KIAA1614: variants seen among roughly 807,000 people sequenced by gnomAD.
KIAA1614 encodes KIAA1614, also known as uncharacterized protein KIAA1614.
In KIAA1614, 76 loss-of-function variants were observed where a neutral mutation model predicts 88.7. The ratio of observed to expected loss-of-function variants is 0.86; its 90% CI spans 0.71 to 1.04. The LOEUF (loss-of-function observed/expected upper bound fraction) is 1.04, where lower values mean the gene tolerates loss of function less well. Ranked by LOEUF, KIAA1614 falls within the 50% of genes least tolerant of loss-of-function variation. The pLI, the probability that KIAA1614 is intolerant of heterozygous loss-of-function variation, is 0.00. For missense variants in KIAA1614, 1,553 were observed against 1,582.5 expected, an observed-to-expected ratio of 0.98 and a Z score of 0.32; for synonymous variants, 714 against 675.5, an observed-to-expected ratio of 1.06 and a Z score of -0.88.
intron 3 of KIAA1614, among the ~76,000 whole-genome samples, chr1:180,922,100 T>TG (rs1299344130): frequency 1.3e-5 from 2 of 152,194 alleles, no homozygotes; most frequent in Admixed American, 6.5e-5. Context: ...TCCTCGGCCG[T>TG]CTCCATAGAG....
At chr1:180,930,901 A>G (rs993912557) in intron 4 of KIAA1614, among the ~76,000 whole-genome samples, 5 of 152,246 alleles carry the variant, frequency 3.3e-5, no homozygotes, top group African/African-American at 9.6e-5. Flanking sequence ...CTGAGTTAAC[A>G]TGGCAATGGC....
intron 4 of KIAA1614, among the ~76,000 whole-genome samples, chr1:180,934,269 AAG>A (rs759986207): frequency 1.0e-4 from 11 of 107,490 alleles, no homozygotes; most frequent in African/African-American, 3.5e-4. Context: ...AAAAAAAAAA[AAG>A]AAAAGAAAAG....
chr1:180,925,700 G>A lies in KIAA1614; in HGVS notation c.1062-2730G>A, dbSNP rs371202353. Among the ~76,000 whole-genome samples, 493 of 152,354 alleles carry A rather than the reference G, an allele frequency of 3.2e-3. 2 individuals are homozygous for A. The highest frequency in any genetic ancestry group is 0.011 in the African/African-American group (454 of 41,588). On this transcript the variant is annotated intron_variant, in intron 3 of 8. Transcript: ENST00000367588. ...AGACGGGAGTGCCCAGAGCAGGAGG[G>A]GACCACACGCTGCCCTTTGTCCTTG...
chr1:180,943,256 A>C (rs1654510127), intron 7 of KIAA1614, among the ~76,000 whole-genome samples: 1 of 152,050 alleles, frequency 6.6e-6, no homozygotes, highest in African/African-American at 2.4e-5. Context: ...CAAACTCCTG[A>C]CTTCATGTAA....
chr1:180,924,188 T>G (rs1029575806), intron 3 of KIAA1614, among the ~76,000 whole-genome samples: 5 of 152,204 alleles, frequency 3.3e-5, no homozygotes, highest in African/African-American at 1.2e-4. Context: ...ATCAAGGAGC[T>G]TGAGAAAGTC....
chr1:180,913,124 G>A lies in KIAA1614; in HGVS notation c.-120G>A. ...ACCCCCAGTCGGCCGCGCCCCGAGG[G>A]GCGAGGCCTGCGGGCCGCACTCCCT... is the stretch of plus-strand genomic sequence containing the variant. On this transcript the variant is annotated 5_prime_UTR_variant, in exon 1 of 9. Transcript: ENST00000367588. The A allele has an allele frequency of 2.7e-6, 2 of 736,134 alleles. No individual in the cohort carries two copies. Among genetic ancestry groups the A allele is most frequent in the South Asian group, 7.0e-5 (1 of 14,230 alleles). 45.6% of individuals were successfully genotyped at this position (736,134 alleles called of 1,614,324 possible).
chr1:180,924,909 A>ATAATAATAATAATAATAATAATAG (rs6143504), intron 3 of KIAA1614, among the ~76,000 whole-genome samples: 23 of 150,216 alleles, frequency 1.5e-4, no homozygotes, highest in Non-Finnish European at 3.3e-4. Flanking sequence ...AATAATAATA[A>ATAATAATAATAATAATAATAATAG]ATGCTAACAT....
Position 180,950,448 on chromosome 1 carries a change from T to C in KIAA1614, c.*4860T>C. 1 of 1,183,670 alleles carries C rather than the reference T, an allele frequency of 8.4e-7. No homozygotes were observed. Among genetic ancestry groups the C allele is most frequent in the Non-Finnish European group, 1.1e-6 (1 of 935,414 alleles). The allele number at this position is 1,183,670 out of a possible 1,614,324, so 73.3% of individuals were successfully genotyped here. A position where few individuals can be genotyped will look rare whatever the true frequency, so the allele number is the denominator to read the frequency against. The stretch of plus-strand genomic sequence containing the variant: ...GTGAACGGGGCCAAGGTGGCAGGGC[T>C]GGGCTTGGCTCACATTAAGGAGCTC... On this transcript the variant is annotated 3_prime_UTR_variant, in exon 9 of 9. Coordinates refer to ENST00000367588, the MANE Select transcript of KIAA1614 (RefSeq NM_020950.2).
At chr1:180,928,998 G>C (rs944242609) in intron 4 of KIAA1614, among the ~76,000 whole-genome samples, 2 of 152,214 alleles carry the variant, frequency 1.3e-5, no homozygotes, top group Non-Finnish European at 2.9e-5. Context: ...GATATGCACT[G>C]GCAAGCAGTG....
Position 180,935,383 on chromosome 1 carries a change from C to T in KIAA1614, c.1474C>T (p.Pro492Ser), listed in dbSNP as rs1245501376. The T allele has an allele frequency of 1.4e-6, 2 of 1,468,166 alleles. No individual in the cohort carries two copies. The highest frequency in any genetic ancestry group is 4.9e-5 in the East Asian group (2 of 40,952). The allele number at this position is 1,468,166 out of a possible 1,614,324, so 90.9% of individuals were successfully genotyped here. A position where few individuals can be genotyped will look rare whatever the true frequency, so the allele number is the denominator to read the frequency against. The change falls in exon 5 of 9, where the codon CCC becomes TCC. Residue 492 changes from proline (P) to serine (S), a missense_variant. Coordinates refer to ENST00000367588, the MANE Select transcript of KIAA1614 (RefSeq NM_020950.2). The surrounding 1 kb of genome is among the most constrained non-coding windows in gnomAD (Gnocchi z 6.1). ...AADQGPLRSK[P>S]DLADYINGAP... is the part of the protein sequence containing the mutation. ...GGACCAGGGCCCCCTGCGCTCCAAG[C>T]CCGACCTCGCCGACTACATCAACGG...
At position 180,913,187 on chromosome 1, in the gene KIAA1614, C is replaced by T. The variant is rs896836225; in HGVS notation, c.-57C>T. ...TCGGGGCTGGAAGTCCCTCCCCGAA[C>T]CCAGCAGCTGGCCTGGGAGGGAGAA... On this transcript the variant is annotated 5_prime_UTR_variant, in exon 1 of 9. Coordinates refer to ENST00000367588, the MANE Select transcript of KIAA1614 (RefSeq NM_020950.2). The T allele has an allele frequency of 2.5e-6, 3 of 1,214,712 alleles. No individual in the cohort carries two copies. Among genetic ancestry groups the T allele is most frequent in the African/African-American group, 3.2e-5 (2 of 63,458 alleles). The allele number at this position is 1,214,712 out of a possible 1,614,324, so 75.2% of individuals were successfully genotyped here. A position where few individuals can be genotyped will look rare whatever the true frequency, so the allele number is the denominator to read the frequency against.
rs1654644055 is a variant in KIAA1614 at position 180,948,284 on chromosome 1, C to T, written c.*2696C>T. 6.6e-6 allele frequency: 1 copy of T among 152,378 alleles called. No homozygotes were observed. The highest frequency in any genetic ancestry group is 1.9e-4 in the East Asian group (1 of 5,186). The allele number at this position is 152,378 out of a possible 1,614,324, so 9.4% of individuals were successfully genotyped here. ...GGCTGTGAGGAGGGCTGGCTTGCGC[C>T]CCGCACTGAACCGGCAGGATGCTGG... On this transcript the variant is annotated 3_prime_UTR_variant, in exon 9 of 9. Coordinates refer to ENST00000367588, the MANE Select transcript of KIAA1614 (RefSeq NM_020950.2).
rs1312255971 is a variant in KIAA1614 at position 180,947,348 on chromosome 1, T to A, written c.*1760T>A. On this transcript the variant is annotated 3_prime_UTR_variant, in exon 9 of 9. Coordinates refer to ENST00000367588, the MANE Select transcript of KIAA1614 (RefSeq NM_020950.2). ...GAGCACTGAGACTCTCTAATGTCTA[T>A]GAGAATAGACCCCAGTGGGACACGG... 1.3e-5 allele frequency: 2 copies of A among 152,290 alleles called. No individual in the cohort carries two copies. The highest frequency in any genetic ancestry group is 4.8e-5 in the African/African-American group (2 of 41,434). 9.4% of individuals were successfully genotyped at this position (152,290 alleles called of 1,614,324 possible).
In KIAA1614 at chr1:180,935,057, G is replaced by A. The variant is rs1449255042; in HGVS notation, c.1206-58G>A. The stretch of plus-strand genomic sequence containing the variant: ...AGGGTGGAGAGGGTAGGGCCGATGC[G>A]TGTCCATACCTCCCCAGGTTTCTGC... On this transcript the variant is annotated intron_variant, in intron 4 of 8. Transcript: ENST00000367588. The surrounding 1 kb of genome is among the most constrained non-coding windows in gnomAD (Gnocchi z 6.1). 11 of 1,219,460 alleles carry A rather than the reference G, an allele frequency of 9.0e-6. No homozygotes were observed. Among genetic ancestry groups the A allele is most frequent in the Non-Finnish European group, 1.1e-6 (1 of 937,558 alleles). 75.5% of individuals were successfully genotyped at this position (1,219,460 alleles called of 1,614,324 possible).
intron 3 of KIAA1614, 54 bp from the exon 4 acceptor site, chr1:180,928,376 G>A (rs974542498): frequency 2.1e-5 from 31 of 1,469,864 alleles, no homozygotes; most frequent in East Asian, 1.0e-4. Flanking sequence ...CCTAATCTGC[G>A]TTATTTTCCT....
intron 8 of KIAA1614, 101 bp from the exon 9 acceptor site, chr1:180,945,202 G>A: frequency 2.3e-6 from 3 of 1,330,808 alleles, no homozygotes; most frequent in Non-Finnish European, 2.0e-6. Flanking sequence ...CCAATGCCAG[G>A]CTCTTAAGTC....
intron 6 of KIAA1614, among the ~76,000 whole-genome samples, chr1:180,940,814 T>C (rs1654442295): frequency 1.3e-5 from 2 of 151,798 alleles, no homozygotes; most frequent in African/African-American, 4.8e-5. Flanking sequence ...CAGGCTCAAG[T>C]GAACCTCCCG....
chr1:180,921,158 G>A (rs2102258464), intron 3 of KIAA1614, among the ~76,000 whole-genome samples: 1 of 151,872 alleles, frequency 6.6e-6, no homozygotes. Context: ...CCGTTTTATA[G>A]GATTTGGGTG....
chr1:180,939,405 C>T (rs1302303210), intron 6 of KIAA1614, among the ~76,000 whole-genome samples: 1 of 152,198 alleles, frequency 6.6e-6, no homozygotes, highest in Non-Finnish European at 1.5e-5. Flanking sequence ...TCAACAACTG[C>T]TTCGCCCATG....
Sources: allele counts gnomAD v4.1 joint callset (sites outside exome capture counted in the v4.1 genomes callset), GRCh38; gene constraint gnomAD v4.1.1; non-coding constraint Gnocchi (gnomAD v3.1); transcripts MANE v1.5; gene names NCBI Gene and HGNC (gene_info 2026-07-23, HGNC 2026-07-21).